The following FARS2 variants were observed in gnomAD, a reference collection of about 807,000 sequenced individuals.
The protein encoded by FARS2 is phenylalanyl-tRNA synthetase 2, mitochondrial.
A neutral mutation model predicts 46.4 loss-of-function variants in FARS2; 40 were observed. The observed-to-expected ratio is 0.86, with a 90% CI of 0.67 to 1.12. The LOEUF is 1.12. Ranked by LOEUF, FARS2 falls within the 50% of genes most tolerant of loss-of-function variation. The pLI, the probability that FARS2 is intolerant of heterozygous loss-of-function variation, is 0.00. For missense variants in FARS2, 513 were observed against 567.9 expected (o/e 0.90, Z 0.98); for synonymous variants, 234 against 214.9 (o/e 1.09, Z -0.78).
At chr6:5,579,363 C>T (rs7744150) in intron 5 of FARS2, among the ~76,000 whole-genome samples, 28,331 of 151,966 alleles carry the variant, frequency 0.19, 2,844 homozygotes, top group East Asian at 0.4. Flanking sequence ...TGGGTTCAAG[C>T]GATTCTCCTG....
intron 4 of FARS2, among the ~76,000 whole-genome samples, chr6:5,495,436 G>T (rs1205619392): frequency 1.3e-5 from 2 of 152,148 alleles, no homozygotes; most frequent in Non-Finnish European, 2.9e-5. Context: ...TTTGCCAACT[G>T]TTTTCTATAA....
At chr6:5,763,007 C>T (rs1762563636) in intron 6 of FARS2, among the ~76,000 whole-genome samples, 1 of 152,176 alleles carries the variant, frequency 6.6e-6, no homozygotes, top group Middle Eastern at 3.4e-3. Flanking sequence ...ATGGTATTTG[C>T]GAAATAACAA....
In FARS2 at chr6:5,435,727, G is replaced by T. The variant is rs576147524; in HGVS notation, c.904+4555G>T. 1.9e-4 allele frequency among the ~76,000 whole-genome samples: 29 copies of T among 152,280 alleles called. 1 individual carries two copies. The highest frequency in any genetic ancestry group is 1.6e-3 in the Admixed American group (25 of 15,292). ...GAGCACCGCGTCCAAAACCATCACT[G>T]GGACAACTATGAGCCGTGATCATGC... On this transcript the variant is annotated intron_variant, in intron 4 of 6. Coordinates refer to ENST00000274680, the MANE Select transcript of FARS2 (RefSeq NM_006567.5).
chr6:5,505,969 A>G (rs1193745961), intron 4 of FARS2, among the ~76,000 whole-genome samples: 1 of 152,144 alleles, frequency 6.6e-6, no homozygotes, highest in Non-Finnish European at 1.5e-5. Flanking sequence ...CCTGAGTTTT[A>G]AGCAAATTAA....
chr6:5,472,875 C>T (rs779570126), intron 4 of FARS2, among the ~76,000 whole-genome samples: 1 of 152,136 alleles, frequency 6.6e-6, no homozygotes, highest in African/African-American at 2.4e-5. Context: ...AATAAGAATA[C>T]ACACCCCCGC....
At chr6:5,606,273 G>A (rs976668341) in intron 5 of FARS2, among the ~76,000 whole-genome samples, 6 of 152,014 alleles carry the variant, frequency 3.9e-5, no homozygotes, top group South Asian at 2.1e-4. Context: ...AAGCTACACC[G>A]CTTCCAAACT....
chr6:5,771,372 C>A lies in FARS2; in HGVS notation c.1299C>A (p.Ile433=). ...TGTCCCAGAGAGAGGTCAGGCACAT[C>A]CACCAGGCCTTGCAGGAGGCTGCAG... ...RTLSQREVRH[I]HQALQEAAVQ... is the part of the protein sequence containing the mutation. The change falls in exon 7 of 7, where the codon ATC becomes ATA. Residue 433 remains isoleucine (I), a synonymous_variant. Coordinates refer to ENST00000274680, the MANE Select transcript of FARS2 (RefSeq NM_006567.5). 3 of 1,614,228 alleles carry A rather than the reference C, an allele frequency of 1.9e-6. No homozygotes were observed. Among genetic ancestry groups the A allele is most frequent in the South Asian group, 1.1e-5 (1 of 91,086 alleles).
chr6:5,448,079 G>A (rs1327347934), intron 4 of FARS2, among the ~76,000 whole-genome samples: 1 of 152,222 alleles, frequency 6.6e-6, no homozygotes, highest in Non-Finnish European at 1.5e-5. Context: ...TTTATTTGAG[G>A]ACAAAGAATC....
At chr6:5,475,953 C>T (rs1172556051) in intron 4 of FARS2, among the ~76,000 whole-genome samples, 1 of 152,186 alleles carries the variant, frequency 6.6e-6, no homozygotes, top group Non-Finnish European at 1.5e-5. Flanking sequence ...TGTGCCTATC[C>T]GTTGGCCAGG....
At chr6:5,470,258 G>A (rs1054263567) in intron 4 of FARS2, among the ~76,000 whole-genome samples, 1 of 152,182 alleles carries the variant, frequency 6.6e-6, no homozygotes, top group African/African-American at 2.4e-5. Flanking sequence ...ATACAGTATA[G>A]CAACTATTTA....
At chr6:5,653,047 A>G (rs530011668) in intron 6 of FARS2, among the ~76,000 whole-genome samples, 2 of 152,206 alleles carry the variant, frequency 1.3e-5, no homozygotes, top group Non-Finnish European at 2.9e-5. Flanking sequence ...TCAGTGCAAT[A>G]TGCCACTTTA....
intron 6 of FARS2, among the ~76,000 whole-genome samples, chr6:5,757,088 G>C (rs1055846303): frequency 1.3e-5 from 2 of 152,104 alleles, no homozygotes; most frequent in Non-Finnish European, 2.9e-5. Context: ...TTCTGCCTAA[G>C]CATTCATAAT....
At chr6:5,482,916 A>G (rs1424307237) in intron 4 of FARS2, among the ~76,000 whole-genome samples, 1 of 152,204 alleles carries the variant, frequency 6.6e-6, no homozygotes, top group African/African-American at 2.4e-5. Context: ...CTCATGACCC[A>G]GCTCTGGTTT....
chr6:5,450,324 G>A (rs1453030984), intron 4 of FARS2, among the ~76,000 whole-genome samples: 1 of 151,974 alleles, frequency 6.6e-6, no homozygotes, highest in African/African-American at 2.4e-5. Context: ...ACTCTGAGAT[G>A]TGAGGAATGA....
At chr6:5,369,956 C>G (rs1200041385) in intron 2 of FARS2, among the ~76,000 whole-genome samples, 1 of 151,978 alleles carries the variant, frequency 6.6e-6, no homozygotes, top group Non-Finnish European at 1.5e-5. Context: ...CCACTTGTCC[C>G]TCACTCATGT....
At chr6:5,267,227 C>G (rs575849227) in intron 1 of FARS2, among the ~76,000 whole-genome samples, 2 of 150,498 alleles carry the variant, frequency 1.3e-5, no homozygotes, top group Non-Finnish European at 2.9e-5. Flanking sequence ...GCTACAAACC[C>G]CGACCACCAT....
At chr6:5,255,741 T>C in the FARS2 span, among the ~76,000 whole-genome samples, 1 of 152,104 alleles carries the variant, frequency 6.6e-6, no homozygotes, top group South Asian at 2.1e-4. Context: ...ATGACCAAAC[T>C]TTTGGGCCAG....
intron 4 of FARS2, among the ~76,000 whole-genome samples, chr6:5,482,203 C>A (rs896514672): frequency 6.6e-6 from 1 of 151,996 alleles, no homozygotes; most frequent in Non-Finnish European, 1.5e-5. Flanking sequence ...AAGCACAATC[C>A]CTCCTCACAT....
intron 6 of FARS2, among the ~76,000 whole-genome samples, chr6:5,671,668 C>A (rs186921043): frequency 1.4e-3 from 210 of 152,296 alleles, no homozygotes; most frequent in African/African-American, 5.0e-3. Context: ...CTCCAAGAAC[C>A]AAGCACATGT....
Sources: allele counts gnomAD v4.1 joint callset (sites outside exome capture counted in the v4.1 genomes callset), GRCh38; gene constraint gnomAD v4.1.1; transcripts MANE v1.5; gene names NCBI Gene and HGNC (gene_info 2026-07-23, HGNC 2026-07-21).